The following ZNF84 variants were observed in gnomAD, a reference collection of about 807,000 sequenced individuals.
ZNF84 encodes the protein zinc finger protein HPF2.
A neutral mutation model predicts 14.8 loss-of-function variants in ZNF84; 12 were observed. The ratio of observed to expected loss-of-function variants is 0.81; its 90% confidence interval spans 0.52 to 1.31. ZNF84 has a LOEUF of 1.31. Ranked by LOEUF, ZNF84 falls within the 50% of genes most tolerant of loss-of-function variation. The probability of loss-of-function intolerance (pLI) is 0.00; values close to 1 mark genes in which losing one functional copy is unlikely to be tolerated. For synonymous variants in ZNF84, 347 were observed against 291.1 expected, an observed-to-expected ratio of 1.19 and a Z score of -1.96; for missense variants, 859 against 878.6, an observed-to-expected ratio of 0.98 and a Z score of 0.28.
intron 2 of ZNF84, among the ~76,000 whole-genome samples, chr12:133,046,543 C>G (rs1444418619): frequency 1.3e-5 from 2 of 151,864 alleles, no homozygotes; most frequent in Non-Finnish European, 2.9e-5. Context: ...ACACTGTGCT[C>G]TCCTTTATTT....
rs1954207616 is a variant in ZNF84, at chr12:133,058,795, C to G, written c.2080C>G (p.Gln694Glu). Reference protein sequence around the residue: ...GCSECRKAFSQKSQLVNHQRI... With the variant: ...GCSECRKAFSEKSQLVNHQRI... Reference sequence around the variant, plus strand: ...CAGTGAATGTAGGAAGGCCTTCTCTCAGAAGTCACAGCTGGTTAATCATCA... The same window carrying G: ...CAGTGAATGTAGGAAGGCCTTCTCTGAGAAGTCACAGCTGGTTAATCATCA... The change falls in exon 5 of 5, where the codon CAG (glutamine) becomes GAG (glutamate). Residue 694 changes from glutamine (Q) to glutamate (E), a missense_variant. Coordinates refer to ENST00000539354, the MANE Select transcript of ZNF84 (RefSeq NM_001289971.2). 1.9e-6 allele frequency: 3 copies of G among 1,613,706 alleles called. No homozygotes were observed. The highest frequency in any genetic ancestry group is 2.7e-5 in the African/African-American group (2 of 74,820).
At chr12:133,046,399 C>T (rs1953980575) in intron 2 of ZNF84, among the ~76,000 whole-genome samples, 1 of 136,196 alleles carries the variant, frequency 7.3e-6, no homozygotes. Context: ...AGAGCTGCTG[C>T]CTCCCAGAAT....
At chr12:133,048,670 T>G in intron 3 of ZNF84, 83 bp from the exon 4 acceptor site, 2 of 1,008,724 alleles carry the variant, frequency 2.0e-6, no homozygotes, top group Non-Finnish European at 3.0e-6. Context: ...CAGGCCAACT[T>G]TGATGTGAAA....
Position 133,057,221 on chromosome 12 carries a change from A to G in ZNF84, c.506A>G (p.Lys169Arg). 1 of 1,613,744 alleles carries G rather than the reference A, an allele frequency of 6.2e-7. No homozygotes were observed. Among genetic ancestry groups the G allele is most frequent in the Non-Finnish European group, 8.5e-7 (1 of 1,179,950 alleles). ...NVFDNFFLHS[K>R]PEDTDTWLKY... ...TTTGATAATTTTTTTCTCCATTCCA[A>G]GCCTGAGGATACTGATACCTGGTTA... Residue 169 changes from lysine (K) to arginine (R), a missense_variant, in exon 5 of 5, where the codon AAG (lysine) becomes AGG (arginine). Lys to Arg is a conservative substitution (Grantham distance 26). Transcript: ENST00000539354.
intron 2 of ZNF84, among the ~76,000 whole-genome samples, chr12:133,045,691 G>A (rs1214608332): frequency 2.0e-5 from 3 of 152,162 alleles, no homozygotes; most frequent in Non-Finnish European, 2.9e-5. Context: ...CCCTTTAAGT[G>A]ATGTGATTTT....
At position 133,063,076 on chromosome 12, in the gene ZNF84, C is replaced by CAGTG; in HGVS notation, c.*4149_*4152dup. 1 of 701,928 alleles carries CAGTG rather than the reference C, an allele frequency of 1.4e-6. No individual in the cohort carries two copies. The highest frequency in any genetic ancestry group is 2.7e-5 in the East Asian group (1 of 37,274). 43.5% of individuals were successfully genotyped at this position (701,928 alleles called of 1,614,324 possible). On this transcript the variant is annotated 3_prime_UTR_variant, in exon 5 of 5. Coordinates refer to ENST00000539354, the MANE Select transcript of ZNF84 (RefSeq NM_001289971.2). ...CACAAGCTATATTTAAATGTGGGTG[C>CAGTG]AGTGAGTGGCTGTTTTCTGCCACAT...
intron 1 of ZNF84, among the ~76,000 whole-genome samples, chr12:133,039,614 C>T (rs1466515957): frequency 2.0e-5 from 3 of 152,200 alleles, no homozygotes; most frequent in African/African-American, 7.2e-5. Context: ...TATATTGTCT[C>T]ACATACAGAA....
chr12:133,044,751 A>G (rs1953947931), intron 2 of ZNF84, among the ~76,000 whole-genome samples: 1 of 151,814 alleles, frequency 6.6e-6, no homozygotes, highest in African/African-American at 2.4e-5. Context: ...CCATCTCTAT[A>G]ATAATACAAA....
At position 133,059,287 on chromosome 12, in the gene ZNF84, A is replaced by G. The variant is rs374771042; in HGVS notation, c.*355A>G. 24 of 359,166 alleles carry G rather than the reference A, an allele frequency of 6.7e-5. No homozygotes were observed. Among genetic ancestry groups the G allele is most frequent in the Non-Finnish European group, 7.5e-5 (15 of 200,876 alleles). The allele number at this position is 359,166 out of a possible 1,614,324, so 22.2% of individuals were successfully genotyped here. Reference sequence around the variant, plus strand: ...CCCCATGAATGCGGGAAATGAGGCAATATTTTTAAGAAATGACAGTTCATT... The same window carrying G: ...CCCCATGAATGCGGGAAATGAGGCAGTATTTTTAAGAAATGACAGTTCATT... On this transcript the variant is annotated 3_prime_UTR_variant, in exon 5 of 5. Coordinates refer to ENST00000539354, the MANE Select transcript of ZNF84 (RefSeq NM_001289971.2).
intron 4 of ZNF84, among the ~76,000 whole-genome samples, chr12:133,051,121 T>G (rs1484238230): frequency 1.3e-5 from 2 of 150,290 alleles, no homozygotes; most frequent in African/African-American, 4.9e-5. Context: ...GGTTTTTTTT[T>G]TTGTTTTATG....
rs1954218905 is a variant in ZNF84 at position 133,059,350 on chromosome 12, A to G, written c.*418A>G. 4.2e-6 allele frequency: 1 copy of G among 237,390 alleles called. No individual in the cohort carries two copies. Among genetic ancestry groups the G allele is most frequent in the Admixed American group, 5.2e-5 (1 of 19,356 alleles). 14.7% of individuals were successfully genotyped at this position (237,390 alleles called of 1,614,324 possible). On this transcript the variant is annotated 3_prime_UTR_variant, in exon 5 of 5. Transcript: ENST00000539354. ...ATGCTCTTAGGAATGAAGTTCTATG[A>G]AAGTACTAAATATGGGACAGTGCAA...
intron 2 of ZNF84, among the ~76,000 whole-genome samples, chr12:133,045,083 A>G (rs1302807302): frequency 1.3e-5 from 2 of 152,160 alleles, no homozygotes; most frequent in South Asian, 2.1e-4. Context: ...CATCATCACA[A>G]TCTAGTTTTA....
chr12:133,055,508 A>G (rs1954139297), intron 4 of ZNF84, among the ~76,000 whole-genome samples: 1 of 152,182 alleles, frequency 6.6e-6, no homozygotes, highest in Non-Finnish European at 1.5e-5. Context: ...CCCAAAGGAG[A>G]CAAAAGAATC....
Position 133,059,128 on chromosome 12 carries a change from A to T in ZNF84, c.*196A>T, listed in dbSNP as rs1954214561. 2 of 550,056 alleles carry T rather than the reference A, an allele frequency of 3.6e-6. No homozygotes were observed. The highest frequency in any genetic ancestry group is 6.2e-6 in the Non-Finnish European group (2 of 322,132). 34.1% of individuals were successfully genotyped at this position (550,056 alleles called of 1,614,324 possible). A position where few individuals can be genotyped will look rare whatever the true frequency, so the allele number is the denominator to read the frequency against. ...CCTATGACTGCAGTGGATCTCAAAAACTTTTAAAACCATAGACAAGCCTTA... is the reference window on the plus strand; with the variant it reads ...CCTATGACTGCAGTGGATCTCAAAATCTTTTAAAACCATAGACAAGCCTTA... On this transcript the variant is annotated 3_prime_UTR_variant, in exon 5 of 5. Coordinates refer to ENST00000539354, the MANE Select transcript of ZNF84 (RefSeq NM_001289971.2).
Position 133,058,955 on chromosome 12 carries a change from T to C in ZNF84, c.*23T>C. The C allele has an allele frequency of 6.5e-7, 1 of 1,547,696 alleles. No individual in the cohort carries two copies. Among genetic ancestry groups the C allele is most frequent in the East Asian group, 2.2e-5 (1 of 44,460 alleles). ...TAGGAATACAGTTAATAGTAGTCTTTGACAGATCATCTTGGACTTCAGGAA... is the reference window on the plus strand; with the variant it reads ...TAGGAATACAGTTAATAGTAGTCTTCGACAGATCATCTTGGACTTCAGGAA... On this transcript the variant is annotated 3_prime_UTR_variant, in exon 5 of 5. Transcript: ENST00000539354.
In ZNF84 at chr12:133,041,172, G is replaced by A. The variant is rs373094286; in HGVS notation, c.-190-106G>A. The A allele has an allele frequency of 7.1e-3, 2,952 of 415,182 alleles. 61 individuals carry two copies. The highest frequency in any genetic ancestry group is 0.054 in the African/African-American group (2,673 of 49,242). 25.7% of individuals were successfully genotyped at this position (415,182 alleles called of 1,614,324 possible). ...GAGTGCTGTTTCAGTTATATAGCAAGCGTACCTCTGGCCTTAGATGATCGT... is the reference window on the plus strand; with the variant it reads ...GAGTGCTGTTTCAGTTATATAGCAAACGTACCTCTGGCCTTAGATGATCGT... On this transcript the variant is annotated intron_variant, in intron 1 of 4. Coordinates refer to ENST00000539354, the MANE Select transcript of ZNF84 (RefSeq NM_001289971.2).
At chr12:133,051,610 C>T (rs1179689088) in intron 4 of ZNF84, among the ~76,000 whole-genome samples, 5 of 152,130 alleles carry the variant, frequency 3.3e-5, no homozygotes, top group African/African-American at 9.7e-5. Flanking sequence ...GTTTACTATC[C>T]CTCTGCAGCA....
chr12:133,058,390 G>A lies in ZNF84; in HGVS notation c.1675G>A (p.Ala559Thr). 2 of 1,613,836 alleles carry A rather than the reference G, an allele frequency of 1.2e-6. No individual in the cohort carries two copies. The highest frequency in any genetic ancestry group is 1.7e-6 in the Non-Finnish European group (2 of 1,179,938). The stretch of plus-strand genomic sequence containing the variant: ...GGCCTTTGGTGAGAAGTCAAGTCTT[G>A]CAACTCATCAGAGAACTCATACTGG... The part of the protein sequence containing the change: ...GKAFGEKSSL[A>T]THQRTHTGEK... The change falls in exon 5 of 5, where the codon GCA becomes ACA. Residue 559 changes from alanine (A) to threonine (T), a missense_variant. Coordinates refer to ENST00000539354, the MANE Select transcript of ZNF84 (RefSeq NM_001289971.2).
intron 4 of ZNF84, among the ~76,000 whole-genome samples, chr12:133,052,509 C>CT (rs1954088774): frequency 2.0e-5 from 3 of 152,090 alleles, no homozygotes. Context: ...AAAACAGGTT[C>CT]TTTTTTGTAC....
Sources: allele counts gnomAD v4.1 joint callset (sites outside exome capture counted in the v4.1 genomes callset), GRCh38; gene constraint gnomAD v4.1.1; transcripts MANE v1.5; gene names NCBI Gene and HGNC (gene_info 2026-07-23, HGNC 2026-07-21).